HIP1: variants seen among roughly 807,000 people sequenced by gnomAD.
HIP1 encodes huntingtin-interacting protein 1.
HIP1 carries 65 observed loss-of-function variants against 147.6 expected under a neutral mutation model. That is an observed-to-expected ratio of 0.44 (90% CI 0.36 to 0.54). HIP1 has a LOEUF of 0.54. Among genes scored for constraint, HIP1 ranks in the 20% least tolerant of loss-of-function variants. The pLI, the probability that HIP1 is intolerant of heterozygous loss-of-function variation, is 0.00. For synonymous variants in HIP1, 479 were observed against 504.0 expected (o/e 0.95, Z 0.67); for missense variants, 1,061 against 1,299.6 (o/e 0.82, Z 2.82).
Position 75,562,133 on chromosome 7 carries a change from C to T in HIP1, c.1058G>A (p.Ser353Asn). ...ATTGAAGGGATCACTGCTGAATGAA[C>T]TGCCAAAGATGTCATCAAACTTGTT... The part of the protein sequence containing the change: ...FDNKFDDIFG[S>N]SFSSDPFNFN... Residue 353 changes from serine to asparagine, a missense_variant, in exon 12 of 31, where the codon AGT becomes AAT. By Grantham distance (46) the Ser-to-Asn change is conservative. This residue lies in a region of HIP1 where 810 missense variants were observed against 946.8 expected (regional missense o/e 0.86). Coordinates refer to ENST00000336926, the MANE Select transcript of HIP1 (RefSeq NM_005338.7). 1.2e-6 allele frequency: 2 copies of T among 1,613,800 alleles called. No homozygotes were observed. Among genetic ancestry groups the T allele is most frequent in the Non-Finnish European group, 1.7e-6 (2 of 1,179,718 alleles).
chr7:75,566,823 A>T (rs1554495576), intron 9 of HIP1, among the ~76,000 whole-genome samples: 1 of 151,350 alleles, frequency 6.6e-6, no homozygotes, highest in Admixed American at 6.6e-5. Context: ...TTGTTGAGAT[A>T]GAAAAGAATG....
intron 1 of HIP1, among the ~76,000 whole-genome samples, chr7:75,642,911 A>G (rs1554510662): frequency 6.6e-6 from 1 of 152,212 alleles, no homozygotes; most frequent in African/African-American, 2.4e-5. Flanking sequence ...TGGTCTTTGC[A>G]TCTTGAGTGC....
At chr7:75,620,091 T>A (rs1554506728) in intron 1 of HIP1, among the ~76,000 whole-genome samples, 1 of 152,150 alleles carries the variant, frequency 6.6e-6, no homozygotes. Context: ...CTGGCACTAC[T>A]CTAGAAATAC....
At chr7:75,713,279 G>A (rs61453123) in intron 1 of HIP1, among the ~76,000 whole-genome samples, 1,793 of 152,292 alleles carry the variant, frequency 0.012, 34 homozygotes, top group African/African-American at 0.041. Context: ...GAGCCTAGGT[G>A]TCAGTTCAAG....
chr7:75,554,083 A>C (rs781833149), intron 21 of HIP1, 30 bp downstream of exon 21: 1 of 1,563,916 alleles, frequency 6.4e-7, no homozygotes, highest in South Asian at 1.1e-5. Context: ...CCCCTGGTCC[A>C]TGAACAGCCC....
At chr7:75,578,221 C>G (rs1554498053) in intron 7 of HIP1, among the ~76,000 whole-genome samples, 1 of 152,136 alleles carries the variant, frequency 6.6e-6, no homozygotes, top group African/African-American at 2.4e-5. Context: ...CCCTAAACAC[C>G]ACAGCAGCGG....
At chr7:75,555,264 T>C in intron 19 of HIP1, 152 bp downstream of exon 19, 1 of 683,952 alleles carries the variant, frequency 1.5e-6, no homozygotes, top group South Asian at 1.8e-5. Flanking sequence ...CACATGTAAC[T>C]GATCTAGGAT....
chr7:75,632,955 A>T (rs114819546), intron 1 of HIP1, among the ~76,000 whole-genome samples: 229 of 152,296 alleles, frequency 1.5e-3, no homozygotes, highest in African/African-American at 5.2e-3. Context: ...GACCTGAGTG[A>T]TGAGAACACA....
intron 9 of HIP1, 81 bp from the exon 10 acceptor site, chr7:75,563,344 C>T (rs1366887015): frequency 1.3e-5 from 17 of 1,260,976 alleles, no homozygotes; most frequent in Non-Finnish European, 1.7e-5. Flanking sequence ...CCTGGCTTTC[C>T]TGCCCCCTCC....
At chr7:75,715,944 G>C (rs1554520540) in intron 1 of HIP1, among the ~76,000 whole-genome samples, 1 of 152,062 alleles carries the variant, frequency 6.6e-6, no homozygotes, top group Non-Finnish European at 1.5e-5. Flanking sequence ...CACATGGTGA[G>C]AGAGGGAACA....
At chr7:75,605,882 C>T (rs1797205378) in intron 1 of HIP1, among the ~76,000 whole-genome samples, 1 of 152,114 alleles carries the variant, frequency 6.6e-6, no homozygotes, top group Admixed American at 6.6e-5. Flanking sequence ...CAGGGTCTTG[C>T]TCTGTCACCC....
chr7:75,734,390 G>C (rs1339239221), intron 1 of HIP1, among the ~76,000 whole-genome samples: 1 of 152,112 alleles, frequency 6.6e-6, no homozygotes, highest in Non-Finnish European at 1.5e-5. Context: ...AGGCAAAACT[G>C]AGCTATGATG....
intron 1 of HIP1, among the ~76,000 whole-genome samples, chr7:75,641,464 TTC>T (rs1554510477): frequency 6.7e-6 from 1 of 149,470 alleles, no homozygotes; most frequent in African/African-American, 2.5e-5. Context: ...GGTTTTCTTT[TTC>T]TTTCTTTTTT....
intron 1 of HIP1, among the ~76,000 whole-genome samples, chr7:75,674,864 G>A (rs960051653): frequency 3.0e-4 from 46 of 151,666 alleles, no homozygotes; most frequent in African/African-American, 1.0e-3. Context: ...GTCACTTCTC[G>A]CTGCTTCCTC....
rs782611099 is a variant in HIP1 at position 75,568,193 on chromosome 7, A to T, written c.803+6T>A. 2 of 1,603,804 alleles carry T rather than the reference A, an allele frequency of 1.2e-6. No homozygotes were observed. The highest frequency in any genetic ancestry group is 1.3e-5 in the African/African-American group (1 of 74,784). The stretch of plus-strand genomic sequence containing the variant: ...CACCTCCATTCCTGTTACTTGAACC[A>T]CTTACTTTGTAAACTGCTCCATGAA... On this transcript the variant is annotated splice_donor_region_variant and intron_variant, in intron 9 of 30. Transcript: ENST00000336926. The surrounding 1 kb of genome is among the most constrained non-coding windows in gnomAD (Gnocchi z 4.1).
intron 19 of HIP1, 41 bp from the exon 20 acceptor site, chr7:75,554,567 A>C: frequency 1.4e-5 from 20 of 1,472,246 alleles, no homozygotes; most frequent in African/African-American, 2.8e-5. Context: ...GCAAGTTCTC[A>C]TAGCTGGCTT....
chr7:75,659,040 G>C (rs1881134), intron 1 of HIP1, among the ~76,000 whole-genome samples: 1,637 of 152,336 alleles, frequency 0.011, 12 homozygotes, highest in Non-Finnish European at 0.013. Context: ...CATTCACCAG[G>C]TGGAAACACA....
intron 8 of HIP1, among the ~76,000 whole-genome samples, chr7:75,570,933 C>T (rs1053434816): frequency 1.3e-5 from 2 of 152,048 alleles, no homozygotes; most frequent in Non-Finnish European, 2.9e-5. Flanking sequence ...TTGCTTGAAC[C>T]TGGGAGATGG....
chr7:75,604,074 C>T (rs369993267), intron 1 of HIP1, among the ~76,000 whole-genome samples: 2 of 150,212 alleles, frequency 1.3e-5, no homozygotes, highest in Admixed American at 1.3e-4. Context: ...AAGTGCATTA[C>T]AGCCGTTTAA....
Sources: allele counts gnomAD v4.1 joint callset (sites outside exome capture counted in the v4.1 genomes callset), GRCh38; gene constraint gnomAD v4.1.1; regional missense constraint gnomAD v4.1.1; non-coding constraint Gnocchi (gnomAD v3.1); transcripts MANE v1.5; gene names NCBI Gene and HGNC (gene_info 2026-07-23, HGNC 2026-07-21).